Variants in COBL observed in about 807,000 individuals in gnomAD.
The protein encoded by COBL is protein cordon-bleu.
In COBL, 51 loss-of-function variants were observed where a neutral mutation model predicts 98.8. The ratio of observed to expected loss-of-function variants is 0.52; its 90% CI spans 0.41 to 0.65. COBL has a LOEUF of 0.65. Ranked by LOEUF, COBL falls within the 30% of genes least tolerant of loss-of-function variation. The probability of loss-of-function intolerance (pLI) is 0.00; values close to 1 mark genes in which losing one functional copy is unlikely to be tolerated. For synonymous variants in COBL, 634 were observed against 651.7 expected, an observed-to-expected ratio of 0.97 and a Z score of 0.41; for missense variants, 1,617 against 1,617.5, an observed-to-expected ratio of 1.00 and a Z score of 0.01.
intron 1 of COBL, among the ~76,000 whole-genome samples, chr7:51,282,233 G>A (rs1422161466): frequency 1.4e-4 from 21 of 152,062 alleles, no homozygotes; most frequent in Non-Finnish European, 2.5e-4. Flanking sequence ...CAAATGATTT[G>A]ATGTAACGTA....
chr7:51,303,544 C>T (rs1802186176), intron 1 of COBL, among the ~76,000 whole-genome samples: 1 of 152,198 alleles, frequency 6.6e-6, no homozygotes, highest in Admixed American at 6.5e-5. Flanking sequence ...TCATTACTTT[C>T]CTCTAGCAAA....
chr7:51,035,533 C>T (rs1208861321), intron 8 of COBL: 3 of 152,268 alleles, frequency 2.0e-5, no homozygotes, highest in South Asian at 2.1e-4. Flanking sequence ...GCTTAACCTC[C>T]CCCTTCCATT....
At chr7:51,074,191 A>AT (rs369421469) in intron 7 of COBL, among the ~76,000 whole-genome samples, 11,123 of 100,442 alleles carry the variant, frequency 0.11, 1,052 homozygotes, top group East Asian at 0.31. Context: ...CAAGGTAATG[A>AT]TTTTTTTTTT....
intron 6 of COBL, among the ~76,000 whole-genome samples, chr7:51,104,703 C>G (rs1796099427): frequency 6.6e-6 from 1 of 152,140 alleles, no homozygotes; most frequent in Non-Finnish European, 1.5e-5. Context: ...GACATCACCC[C>G]CAGAAACAGA....
chr7:51,176,279 A>G (rs1187241341), intron 5 of COBL, among the ~76,000 whole-genome samples: 1 of 152,212 alleles, frequency 6.6e-6, no homozygotes, highest in East Asian at 1.9e-4. Context: ...TAAAAAATAC[A>G]AAAGCAAGGA....
rs114780830 is a variant in COBL at position 51,135,303 on chromosome 7, T to C, written c.957+855A>G. ...AGATGCAAAAATAAAAATATTTTCT[T>C]TGAAAATGTGTTCCACTACAGGCTT... On this transcript the variant is annotated intron_variant, in intron 6 of 12. Coordinates refer to ENST00000265136, the MANE Select transcript of COBL (RefSeq NM_015198.5). Among the ~76,000 whole-genome samples, 560 of 152,292 alleles carry C rather than the reference T, an allele frequency of 3.7e-3. 3 individuals are homozygous for C. The highest frequency in any genetic ancestry group is 0.013 in the African/African-American group (527 of 41,568).
chr7:51,140,016 T>G (rs928605689), intron 5 of COBL, among the ~76,000 whole-genome samples: 1 of 152,058 alleles, frequency 6.6e-6, no homozygotes. Flanking sequence ...TATCAAGTTC[T>G]TTTTTTGTAG....
At chr7:51,255,628 A>G (rs1797128599) in intron 1 of COBL, among the ~76,000 whole-genome samples, 1 of 152,222 alleles carries the variant, frequency 6.6e-6, no homozygotes, top group Non-Finnish European at 1.5e-5. Flanking sequence ...GACCAGTGGC[A>G]CGACTAGGAA....
At chr7:51,261,313 T>C (rs1233923803) in intron 1 of COBL, among the ~76,000 whole-genome samples, 2 of 152,184 alleles carry the variant, frequency 1.3e-5, no homozygotes, top group East Asian at 3.9e-4. Context: ...CCAGAAATTA[T>C]ACTTTATTTA....
At position 51,111,423 on chromosome 7, in the gene COBL, C is replaced by T. The variant is rs188456382; in HGVS notation, c.957+24735G>A. ...TGGGAGGCCAGTATGGCATTATTGG[C>T]ATTGGAAAGAAGCTTGGTTTGTATT... On this transcript the variant is annotated intron_variant, in intron 6 of 12. Transcript: ENST00000265136. Among the ~76,000 whole-genome samples the T allele has an allele frequency of 2.0e-4, 30 of 152,284 alleles. No individual in the cohort carries two copies. The East Asian group carries it at 5.2e-3, about 26-fold the overall frequency.
intron 5 of COBL, among the ~76,000 whole-genome samples, chr7:51,142,919 A>T (rs1784673899): frequency 6.6e-6 from 1 of 152,160 alleles, no homozygotes; most frequent in South Asian, 2.1e-4. Flanking sequence ...GGCAGGCAGG[A>T]TCCTGTGACA....
intron 7 of COBL, among the ~76,000 whole-genome samples, chr7:51,055,346 C>T (rs1232125025): frequency 6.6e-6 from 1 of 152,196 alleles, no homozygotes; most frequent in Non-Finnish European, 1.5e-5. Flanking sequence ...CATCTCTTAA[C>T]GTCCTCATCC....
intron 2 of COBL, among the ~76,000 whole-genome samples, chr7:51,210,670 T>G (rs918482597): frequency 2.6e-5 from 4 of 152,224 alleles, no homozygotes. Flanking sequence ...TTATGATGTT[T>G]CCTGCAGGGT....
chr7:51,309,061 G>A (rs577649845), intron 1 of COBL, among the ~76,000 whole-genome samples: 16 of 152,190 alleles, frequency 1.1e-4, no homozygotes, highest in Non-Finnish European at 2.2e-4. Context: ...GCAAGGGGCA[G>A]AGGAGCCACA....
intron 6 of COBL, among the ~76,000 whole-genome samples, chr7:51,125,762 G>T (rs1212963993): frequency 2.6e-5 from 4 of 152,138 alleles, no homozygotes; most frequent in Non-Finnish European, 5.9e-5. Context: ...TGGCCTGAGA[G>T]AAATTTTTTT....
chr7:51,191,448 ATAATT>A (rs1374175845), intron 3 of COBL, among the ~76,000 whole-genome samples: 1 of 152,070 alleles, frequency 6.6e-6, no homozygotes, highest in Non-Finnish European at 1.5e-5. Flanking sequence ...AGCAGTATGA[ATAATT>A]TAAAGAAAAA....
intron 1 of COBL, among the ~76,000 whole-genome samples, chr7:51,292,076 G>A (rs1800953891): frequency 6.6e-6 from 1 of 151,566 alleles, no homozygotes; most frequent in Non-Finnish European, 1.5e-5. Flanking sequence ...GAACCCAGGA[G>A]GCGGAGGCTG....
intron 6 of COBL, among the ~76,000 whole-genome samples, chr7:51,097,591 T>A (rs943855205): frequency 1.3e-5 from 2 of 152,186 alleles, no homozygotes; most frequent in African/African-American, 4.8e-5. Flanking sequence ...AATACATACA[T>A]TCAGCAAAGT....
At chr7:51,215,974 T>C (rs1037154756) in intron 2 of COBL, among the ~76,000 whole-genome samples, 1 of 152,246 alleles carries the variant, frequency 6.6e-6, no homozygotes, top group African/African-American at 2.4e-5. Context: ...AGCTTGTCTG[T>C]TGTAAAGGGG....
Sources: gnomAD v4.1 joint callset for allele counts (sites outside exome capture counted in the v4.1 genomes callset) on GRCh38, gnomAD v4.1.1 for gene constraint, MANE v1.5 for transcripts, NCBI Gene and HGNC (gene_info 2026-07-23, HGNC 2026-07-21) for gene names.